Variants in CEP295 observed in about 807,000 individuals in gnomAD.
The protein encoded by CEP295 is centrosomal protein 295, also known as centrosomal protein of 295 kDa.
A neutral mutation model predicts 291.6 loss-of-function variants in CEP295; 190 were observed. The observed-to-expected ratio is 0.65, with a 90% confidence interval of 0.58 to 0.73. The LOEUF (loss-of-function observed/expected upper bound fraction) is 0.73, where lower values mean the gene tolerates loss of function less well. Ranked by LOEUF, CEP295 falls within the 30% of genes least tolerant of loss-of-function variation. The probability of loss-of-function intolerance (pLI) is 0.00; values close to 1 mark genes in which losing one functional copy is unlikely to be tolerated. For synonymous variants in CEP295, 993 were observed against 1,038.8 expected, an observed-to-expected ratio of 0.96 and a Z score of 0.85; for missense variants, 2,863 against 2,949.4, an observed-to-expected ratio of 0.97 and a Z score of 0.68.
intron 20 of CEP295, 183 bp from the exon 21 acceptor site, chr11:93,722,858 G>C: frequency 2.1e-6 from 1 of 480,486 alleles, no homozygotes. Flanking sequence ...CTACAGGTGT[G>C]CGCCACCACG....
At chr11:93,714,856 T>C in intron 18 of CEP295, among the ~76,000 whole-genome samples, 1 of 152,038 alleles carries the variant, frequency 6.6e-6, no homozygotes, top group Non-Finnish European at 1.5e-5. Context: ...TCTCTCTCTC[T>C]CTCTCTGTGC....
intron 17 of CEP295, 39 bp downstream of exon 17, chr11:93,702,958 T>G: frequency 1.3e-6 from 2 of 1,506,544 alleles, no homozygotes; most frequent in Non-Finnish European, 1.8e-6. Flanking sequence ...TTTTAAATAA[T>G]TTGCCAGTTT....
At chr11:93,717,342 C>T (rs372626009) in intron 18 of CEP295, among the ~76,000 whole-genome samples, 5 of 152,128 alleles carry the variant, frequency 3.3e-5, no homozygotes, top group East Asian at 3.8e-4. Context: ...CTACGAGGAA[C>T]GCACCTATAG....
intron 15 of CEP295, among the ~76,000 whole-genome samples, chr11:93,701,594 G>C (rs1020775098): frequency 2.6e-5 from 4 of 151,776 alleles, no homozygotes; most frequent in African/African-American, 9.7e-5. Flanking sequence ...TTTTTTGTTT[G>C]TTTTTTGTTT....
chr11:93,685,865 C>T (rs910228107), intron 9 of CEP295, among the ~76,000 whole-genome samples: 3 of 152,118 alleles, frequency 2.0e-5, no homozygotes, highest in Non-Finnish European at 4.4e-5. Flanking sequence ...CACACACCAC[C>T]ATGCCTGGCT....
At chr11:93,679,390 A>G (rs1435974622) in intron 6 of CEP295, 22 bp from the exon 7 acceptor site, 10 of 1,530,522 alleles carry the variant, frequency 6.5e-6, no homozygotes, top group Middle Eastern at 1.7e-4. Context: ...AATTTTGCCT[A>G]CAATTTTTGA....
chr11:93,729,481 T>A lies in CEP295; in HGVS notation c.7350T>A (p.Tyr2450Ter). 6.4e-7 allele frequency: 1 copy of A among 1,551,956 alleles called. No individual in the cohort carries two copies. The highest frequency in any genetic ancestry group is 8.7e-7 in the Non-Finnish European group (1 of 1,147,030). ...PLVSATEASDYPAVSELSIEK... is the reference protein window; with the variant it reads ...PLVSATEASD ...TATCAGCAACAGAAGCCTCAGATTA[T>A]CCAGCTGTATCAGAACTTTCCATAG... The change falls in exon 26 of 30, where the codon TAT becomes TAA. Residue 2450 changes from tyrosine to a stop codon, truncating the protein, a stop_gained. Transcript: ENST00000325212. LOFTEE classifies it high-confidence loss of function.
In CEP295 at chr11:93,698,446, T is replaced by G. The variant is rs1390293714; in HGVS notation, c.3534T>G (p.Gly1178=). The G allele has an allele frequency of 6.4e-7, 1 of 1,551,996 alleles. No individual in the cohort carries two copies. Among genetic ancestry groups the G allele is most frequent in the Non-Finnish European group, 8.7e-7 (1 of 1,147,038 alleles). The change falls in exon 15 of 30, where the codon GGT becomes GGG. Residue 1178 remains glycine, a synonymous_variant. Transcript: ENST00000325212. ...EQSQIQRVIL[G]AKEGTQEFVH... ...CACAAATACAAAGGGTAATACTTGG[T>G]GCTAAAGAAGGAACTCAGGAATTTG...
At chr11:93,727,774 T>C (rs1954267911) in intron 24 of CEP295, 137 bp downstream of exon 24, 1 of 690,930 alleles carries the variant, frequency 1.4e-6, no homozygotes, top group African/African-American at 1.8e-5. Context: ...GGGATCCTCC[T>C]GCCTCAACTT....
At chr11:93,664,910 T>C (rs1157637992) in intron 1 of CEP295, among the ~76,000 whole-genome samples, 1 of 152,200 alleles carries the variant, frequency 6.6e-6, no homozygotes, top group Non-Finnish European at 1.5e-5. Flanking sequence ...CCATAGCCAT[T>C]GTCCTTCAAT....
Position 93,687,712 on chromosome 11 carries a change from C to A in CEP295, c.1183C>A (p.Arg395=), listed in dbSNP as rs1476874283. 6.5e-7 allele frequency: 1 copy of A among 1,547,794 alleles called. No homozygotes were observed. Among genetic ancestry groups the A allele is most frequent in the East Asian group, 2.4e-5 (1 of 40,862 alleles). The part of the protein sequence containing the change: ...VLFKKLLNKI[R]SQKSLWTIKS... Reference sequence around the variant, plus strand: ...TTTTAAAAAATTATTAAATAAGATCCGAAGCCAAAAATCTCTCTGGACAAT... The same window carrying A: ...TTTTAAAAAATTATTAAATAAGATCAGAAGCCAAAAATCTCTCTGGACAAT... The change falls in exon 10 of 30, where the codon CGA becomes AGA. Residue 395 remains arginine, a synonymous_variant. Transcript: ENST00000325212.
chr11:93,706,973 T>C (rs1952550639), intron 18 of CEP295, 76 bp downstream of exon 18: 2 of 1,269,830 alleles, frequency 1.6e-6, no homozygotes, highest in Non-Finnish European at 2.1e-6. Flanking sequence ...TTGTTATTTG[T>C]AATGGTGAAA....
chr11:93,679,510 T>A lies in CEP295; in HGVS notation c.723T>A (p.His241Gln). Residue 241 changes from histidine (H) to glutamine (Q), a missense_variant, in exon 7 of 30, where the codon CAT (histidine) becomes CAA (glutamine). By Grantham distance (24) the His-to-Gln change is conservative (BLOSUM62 0). This residue lies in a region of CEP295 where 554 missense variants were observed against 576.0 expected (regional missense o/e 0.96). Transcript: ENST00000325212. ...QERMERFEKAHVRGFQAMKKI... is the reference protein window; with the variant it reads ...QERMERFEKAQVRGFQAMKKI... ...GAATGGAACGGTTTGAAAAGGCACA[T>A]GTACGGGGATTCCAAGCAATGAAGA... 5 of 1,551,376 alleles carry A rather than the reference T, an allele frequency of 3.2e-6. No individual in the cohort carries two copies. Among genetic ancestry groups the A allele is most frequent in the Non-Finnish European group, 4.4e-6 (5 of 1,146,826 alleles).
intron 8 of CEP295, 91 bp downstream of exon 8, chr11:93,683,833 A>C: frequency 6.9e-7 from 1 of 1,441,620 alleles, no homozygotes; most frequent in East Asian, 2.5e-5. Flanking sequence ...TTTATCTTGA[A>C]ATGAGTTCTC....
At chr11:93,712,570 G>A (rs1952977133) in intron 18 of CEP295, among the ~76,000 whole-genome samples, 1 of 152,126 alleles carries the variant, frequency 6.6e-6, no homozygotes, top group South Asian at 2.1e-4. Flanking sequence ...TATTATTTCT[G>A]ATATAAGTAT....
rs767346813 is a variant in CEP295 at position 93,729,595 on chromosome 11, A to G, written c.7400-19A>G. ...GATACTTTGCCTATTTCTGTCATAAATTTCTTTTCCCCCAGCAGAAACCCC... is the reference window on the plus strand; with the variant it reads ...GATACTTTGCCTATTTCTGTCATAAGTTTCTTTTCCCCCAGCAGAAACCCC... On this transcript the variant is annotated intron_variant, in intron 26 of 29. Coordinates refer to ENST00000325212, the MANE Select transcript of CEP295 (RefSeq NM_033395.2). 6 of 1,549,930 alleles carry G rather than the reference A, an allele frequency of 3.9e-6. No individual in the cohort carries two copies. Among genetic ancestry groups the G allele is most frequent in the Admixed American group, 2.0e-5 (1 of 50,718 alleles).
chr11:93,666,781 A>G lies in CEP295; in HGVS notation c.74A>G (p.Asp25Gly), dbSNP rs1214883988. Residue 25 changes from aspartate to glycine, a missense_variant, in exon 2 of 30, where the codon GAT becomes GGT. Physicochemically the swap from Asp to Gly is moderately conservative, Grantham distance 94 (BLOSUM62 -1). Around this residue, in one of 3 missense-constraint regions of CEP295, gnomAD observed 554 missense variants for 576.0 expected, o/e 0.96. Coordinates refer to ENST00000325212, the MANE Select transcript of CEP295 (RefSeq NM_033395.2). ...GAGGAAGCCTTCATTTTGAAGGAAG[A>G]TTATGAAAGAAGGCGAAAACTAAGA... ...PNEEAFILKE[D>G]YERRRKLRLL... The G allele has an allele frequency of 6.5e-7, 1 of 1,548,268 alleles. No homozygotes were observed. The highest frequency in any genetic ancestry group is 2.0e-5 in the Admixed American group (1 of 50,904).
At position 93,697,655 on chromosome 11, in the gene CEP295, C is replaced by T; in HGVS notation, c.2743C>T (p.Pro915Ser). 8.4e-6 allele frequency: 13 copies of T among 1,551,862 alleles called. No individual in the cohort carries two copies. The highest frequency in any genetic ancestry group is 1.1e-5 in the Non-Finnish European group (13 of 1,147,034). ...ADLGRIQESS[P>S]TKNNIAVSSD... Reference sequence around the variant, plus strand: ...TTTGGGGAGAATCCAGGAATCTTCACCAACCAAGAATAATATTGCAGTTTC... The same window carrying T: ...TTTGGGGAGAATCCAGGAATCTTCATCAACCAAGAATAATATTGCAGTTTC... The change falls in exon 15 of 30, where the codon CCA (proline) becomes TCA (serine). Residue 915 changes from proline to serine, a missense_variant. Transcript: ENST00000325212.
intron 18 of CEP295, among the ~76,000 whole-genome samples, chr11:93,711,398 T>C (rs1206581220): frequency 6.6e-6 from 1 of 152,232 alleles, no homozygotes; most frequent in East Asian, 1.9e-4. Flanking sequence ...TTCCATGTGT[T>C]TGTATAGTTT....
Sources: gnomAD v4.1 joint callset for allele counts (sites outside exome capture counted in the v4.1 genomes callset) on GRCh38, gnomAD v4.1.1 for gene constraint, gnomAD v4.1.1 regional missense constraint, MANE v1.5 for transcripts, NCBI Gene and HGNC (gene_info 2026-07-23, HGNC 2026-07-21) for gene names.